KDM6A: variants seen among roughly 807,000 people sequenced by gnomAD.
KDM6A encodes lysine-specific demethylase 6A.
Under a neutral mutation model 117.6 loss-of-function variants are expected in KDM6A, and 11 were observed. The ratio of observed to expected loss-of-function variants is 0.09; its 90% CI spans 0.06 to 0.15. The LOEUF (loss-of-function observed/expected upper bound fraction) is 0.15. Among genes scored for constraint, KDM6A ranks in the 10% least tolerant of loss-of-function variants. The pLI is 1.00. For synonymous variants in KDM6A, 384 were observed against 396.1 expected, an observed-to-expected ratio of 0.97 and a Z score of 0.36; for missense variants, 799 against 1,077.3, an observed-to-expected ratio of 0.74 and a Z score of 3.62.
At chrX:45,024,517 G>A in intron 6 of KDM6A, among the ~76,000 whole-genome samples, 1 of 111,086 alleles carries the variant, frequency 9.0e-6, no homozygotes. Context: ...ATTTGTTTGA[G>A]TTCCTTGTAG....
intron 5 of KDM6A, among the ~76,000 whole-genome samples, chrX:45,016,016 A>G: frequency 8.9e-6 from 1 of 111,893 alleles, no homozygotes; most frequent in Non-Finnish European, 1.9e-5. Context: ...AGGGTATGAC[A>G]TTTCTAATTT....
chrX:44,898,713 G>A (rs2034086086), intron 2 of KDM6A, among the ~76,000 whole-genome samples: 1 of 111,563 alleles, frequency 9.0e-6, no homozygotes, highest in African/African-American at 3.3e-5. Flanking sequence ...TGGAAGATCA[G>A]CTCCTCTTTT....
At chrX:44,939,870 G>T (rs1212698169) in intron 2 of KDM6A, among the ~76,000 whole-genome samples, 1 of 111,807 alleles carries the variant, frequency 8.9e-6, no homozygotes, top group Non-Finnish European at 1.9e-5. Context: ...TTTAAATTAG[G>T]TATGTACATT....
At chrX:44,917,491 C>T (rs554950998) in intron 2 of KDM6A, among the ~76,000 whole-genome samples, 1 of 111,599 alleles carries the variant, frequency 9.0e-6, no homozygotes, top group South Asian at 3.7e-4. Flanking sequence ...AATGTTCAAA[C>T]GTAGGTTAAA....
chrX:44,876,980 T>TAC (rs1387718452), intron 2 of KDM6A, among the ~76,000 whole-genome samples: 3 of 109,324 alleles, frequency 2.7e-5, no homozygotes, highest in Non-Finnish European at 5.7e-5. Flanking sequence ...AATACGTATA[T>TAC]ACACGTATAC....
At chrX:45,004,063 G>C (rs2041308955) in intron 4 of KDM6A, among the ~76,000 whole-genome samples, 1 of 110,570 alleles carries the variant, frequency 9.0e-6, no homozygotes, top group African/African-American at 3.3e-5. Context: ...CCTATTCTTC[G>C]TTGAAAGTCA....
At chrX:44,924,659 G>GTGTA (rs1178912591) in intron 2 of KDM6A, among the ~76,000 whole-genome samples, 1 of 107,719 alleles carries the variant, frequency 9.3e-6, no homozygotes. Flanking sequence ...GTGTGTGTGT[G>GTGTA]TGTGTGTGTG....
intron 25 of KDM6A, 22 bp downstream of exon 25, chrX:45,086,001 T>C: frequency 1.0e-6 from 1 of 965,328 alleles, no homozygotes; most frequent in Non-Finnish European, 1.5e-6. Context: ...AAGTAAATTT[T>C]CTTAAAACAT....
intron 2 of KDM6A, among the ~76,000 whole-genome samples, chrX:44,877,796 C>G (rs2031835102): frequency 9.0e-6 from 1 of 110,641 alleles, no homozygotes; most frequent in Admixed American, 9.7e-5. Context: ...AAAGATTATA[C>G]AAAATACTTA....
At chrX:44,960,887 A>G (rs1396762251) in intron 2 of KDM6A, among the ~76,000 whole-genome samples, 1 of 112,010 alleles carries the variant, frequency 8.9e-6, no homozygotes, top group Admixed American at 9.5e-5. Flanking sequence ...GAGATCTCAC[A>G]TAATTCAATA....
At chrX:44,928,239 A>G (rs1420372146) in intron 2 of KDM6A, among the ~76,000 whole-genome samples, 3 of 112,200 alleles carry the variant, frequency 2.7e-5, no homozygotes, top group Non-Finnish European at 3.8e-5. Context: ...ATTTTGGACA[A>G]TGCCCTTGTT....
chrX:45,103,000 G>T (rs893384093), intron 27 of KDM6A, among the ~76,000 whole-genome samples: 7 of 110,744 alleles, frequency 6.3e-5, no homozygotes, highest in African/African-American at 2.0e-4. Flanking sequence ...GCAGAGCAAG[G>T]CACCTCTTGG....
intron 4 of KDM6A, among the ~76,000 whole-genome samples, chrX:44,979,602 C>CT (rs755523565): frequency 7.3e-5 from 8 of 110,275 alleles, no homozygotes; most frequent in South Asian, 7.6e-4. Context: ...CATTTAATTA[C>CT]TTTTTTTTTC....
intron 8 of KDM6A, among the ~76,000 whole-genome samples, chrX:45,040,688 T>C (rs1246234451): frequency 1.5e-4 from 7 of 48,154 alleles, no homozygotes; most frequent in Admixed American, 2.2e-4. Flanking sequence ...CCCCCCCACC[T>C]CCCTCCCGGA....
At position 45,009,046 on chromosome X, in the gene KDM6A, A is replaced by G. The variant is rs775915891; in HGVS notation, c.385-1915A>G. ...CAAACTTTAGCATTTTTAAAAAGCA[A>G]GAAAAGTCACTCAGCTTGTTACTGG... On this transcript the variant is annotated intron_variant, in intron 4 of 29. Transcript: ENST00000611820. Among the ~76,000 whole-genome samples, 434 of 112,312 alleles carry G rather than the reference A, an allele frequency of 3.9e-3. 7 individuals are homozygous for G. The highest frequency in any genetic ancestry group is 0.013 in the African/African-American group (415 of 30,936).
chrX:45,098,112 CT>C lies in KDM6A; in HGVS notation c.4034+7251del, dbSNP rs1288688129. Among the ~76,000 whole-genome samples, 4 of 112,045 alleles carry C rather than the reference CT, an allele frequency of 3.6e-5. No homozygotes were observed. In the East Asian group the frequency reaches 1.1e-3, roughly 31 times the overall value. On this transcript the variant is annotated intron_variant, in intron 27 of 29. Coordinates refer to ENST00000611820, the MANE Select transcript of KDM6A (RefSeq NM_001291415.2). ...AACTTAATTTCTCCTTTAGACCAAA[CT>C]TTAAGTGTCTTTCCCTGGTTTATGC...
chrX:44,940,639 T>C (rs371016332), intron 2 of KDM6A, among the ~76,000 whole-genome samples: 27 of 112,071 alleles, frequency 2.4e-4, no homozygotes, highest in East Asian at 1.1e-3. Flanking sequence ...ATTCATTCTT[T>C]CGAGTCAAAG....
At chrX:44,970,311 T>A (rs1236693982) in intron 3 of KDM6A, among the ~76,000 whole-genome samples, 1 of 112,276 alleles carries the variant, frequency 8.9e-6, no homozygotes, top group East Asian at 2.8e-4. Flanking sequence ...CATTCATATT[T>A]ATTTCTCAGT....
intron 2 of KDM6A, among the ~76,000 whole-genome samples, chrX:44,933,466 G>A (rs766740870): frequency 9.3e-6 from 1 of 107,569 alleles, no homozygotes; most frequent in South Asian, 4.1e-4. Flanking sequence ...GTGAAGACAG[G>A]GTTACGCTAT....
Sources: gnomAD v4.1 joint callset for allele counts (sites outside exome capture counted in the v4.1 genomes callset) on GRCh38, gnomAD v4.1.1 for gene constraint, MANE v1.5 for transcripts, NCBI Gene and HGNC (gene_info 2026-07-23, HGNC 2026-07-21) for gene names.